The following MANBA variants were observed in gnomAD, a reference collection of about 807,000 sequenced individuals.
MANBA encodes mannosidase beta.
A neutral mutation model predicts 111.1 loss-of-function variants in MANBA; 83 were observed. That is an observed-to-expected ratio of 0.75 (90% CI 0.63 to 0.90). MANBA has a LOEUF of 0.90. Ranked by LOEUF, MANBA falls within the 40% of genes least tolerant of loss-of-function variation. The pLI, the probability that MANBA is intolerant of heterozygous loss-of-function variation, is 0.00. For missense variants in MANBA, 1,036 were observed against 1,069.0 expected (o/e 0.97, Z 0.43); for synonymous variants, 370 against 378.7 (o/e 0.98, Z 0.27).
chr4:102,688,223 A>G (rs527754229), intron 7 of MANBA, among the ~76,000 whole-genome samples: 1 of 152,198 alleles, frequency 6.6e-6, no homozygotes, highest in South Asian at 2.1e-4. Context: ...GACAAGAGTG[A>G]ATGCTTTGGC....
rs756732297 is a variant in MANBA at position 102,632,120 on chromosome 4, C to T, written c.2577G>A (p.Glu859=). The change falls in exon 17 of 17, where the codon GAG becomes GAA. Residue 859 remains glutamate, a synonymous_variant. Transcript: ENST00000647097. ...GCTCCAACTCATTCTTGCTGGTGGG[C>T]TCCCAAGGGTAAAATAATATAGTTC... is the stretch of plus-strand genomic sequence containing the variant. ...KTRTILFYPW[E]PTSKNELEQS... 9 of 1,613,118 alleles carry T rather than the reference C, an allele frequency of 5.6e-6. No homozygotes were observed. The highest frequency in any genetic ancestry group is 1.1e-5 in the South Asian group (1 of 91,042).
At chr4:102,754,749 G>A (rs1360824501) in intron 1 of MANBA, among the ~76,000 whole-genome samples, 1 of 151,892 alleles carries the variant, frequency 6.6e-6, no homozygotes, top group African/African-American at 2.4e-5. Context: ...GTAGAGACGG[G>A]GTTTCACCGT....
intron 7 of MANBA, among the ~76,000 whole-genome samples, chr4:102,675,971 G>GAA (rs528591422): frequency 6.9e-6 from 1 of 145,162 alleles, no homozygotes; most frequent in Non-Finnish European, 1.5e-5. Flanking sequence ...ACTCCGTCTT[G>GAA]AAAAAAAAAA....
At chr4:102,733,002 A>C (rs1578947944) in intron 1 of MANBA, among the ~76,000 whole-genome samples, 2 of 152,314 alleles carry the variant, frequency 1.3e-5, no homozygotes, top group East Asian at 3.9e-4. Flanking sequence ...TCCCTGAAGG[A>C]ATCTGCAAGT....
intron 5 of MANBA, among the ~76,000 whole-genome samples, chr4:102,709,390 GAAAGAAAGAAAAA>G (rs140949187): frequency 0.16 from 21,158 of 128,504 alleles, 2,334 homozygotes; most frequent in Non-Finnish European, 0.22. Context: ...AAGGAAGAAA[GAAAGAAAGAAAAA>G]AAAGAAAGAA....
Position 102,734,514 on chromosome 4 carries a change from G to A in MANBA, c.178-7831C>T, listed in dbSNP as rs868320600. The A allele has an allele frequency of 4.4e-5, 71 of 1,607,906 alleles. No individual in the cohort carries two copies. The Middle Eastern group carries it at 9.9e-4, about 22-fold the overall frequency. On this transcript the variant is annotated intron_variant, in intron 1 of 16. Coordinates refer to ENST00000647097, the MANE Select transcript of MANBA (RefSeq NM_005908.4). ...TCCCAAGTTCCACGAGGTGGAGGCT[G>A]AACCATCTGAGCTCAGAAGTGCTGA...
chr4:102,665,065 A>G, intron 10 of MANBA: 1 of 552,296 alleles, frequency 1.8e-6, no homozygotes, highest in South Asian at 2.1e-5. Context: ...AAACACTGAT[A>G]CATAGGGTTT....
chr4:102,650,986 A>C (rs1377824414), intron 12 of MANBA: 1 of 354,128 alleles, frequency 2.8e-6, no homozygotes, highest in Non-Finnish European at 5.2e-6. Context: ...TGTTTTATCA[A>C]AACATATTCC....
At chr4:102,754,644 C>T (rs1723938430) in intron 1 of MANBA, among the ~76,000 whole-genome samples, 1 of 151,914 alleles carries the variant, frequency 6.6e-6, no homozygotes, top group South Asian at 2.1e-4. Context: ...GCAAGCTCCA[C>T]CTCCCGGGTT....
At chr4:102,737,490 G>GT (rs1368278620) in intron 1 of MANBA, among the ~76,000 whole-genome samples, 38 of 149,442 alleles carry the variant, frequency 2.5e-4, no homozygotes, top group African/African-American at 4.9e-4. Flanking sequence ...TTGTTTGTTT[G>GT]TTTTTTTTTT....
Position 102,650,659 on chromosome 4 carries a change from G to A in MANBA, c.1747C>T (p.Leu583Phe), listed in dbSNP as rs115145808. Residue 583 changes from leucine (L) to phenylalanine (F), a missense_variant, in exon 13 of 17, where the codon CTT becomes TTT. Coordinates refer to ENST00000647097, the MANE Select transcript of MANBA (RefSeq NM_005908.4). ...CCACCTTCGTGATGTTGTCGATGAA[G>A]TGAAAACTTGCTATTGAAAGACCAG... Reference protein sequence around the residue: ...EDWSFNSKFSLHRQHHEGGNK... With the variant: ...EDWSFNSKFSFHRQHHEGGNK... The A allele has an allele frequency of 6.2e-7, 1 of 1,613,402 alleles. No individual in the cohort carries two copies. The highest frequency in any genetic ancestry group is 1.3e-5 in the African/African-American group (1 of 75,030).
chr4:102,662,154 T>C (rs1730985525), intron 11 of MANBA, among the ~76,000 whole-genome samples: 1 of 152,218 alleles, frequency 6.6e-6, no homozygotes, highest in Non-Finnish European at 1.5e-5. Flanking sequence ...TTAAAATTAA[T>C]GATCAAAATG....
chr4:102,659,842 C>T (rs1730844958), intron 11 of MANBA, among the ~76,000 whole-genome samples: 1 of 152,164 alleles, frequency 6.6e-6, no homozygotes. Context: ...CTCTCCACTC[C>T]TGGCTGTTTG....
chr4:102,646,733 T>G (rs2110199843), intron 13 of MANBA, among the ~76,000 whole-genome samples: 1 of 152,210 alleles, frequency 6.6e-6, no homozygotes, highest in Non-Finnish European at 1.5e-5. Context: ...AAAGAGGGTG[T>G]GCTCATGTAT....
chr4:102,747,942 G>A (rs892809721), intron 1 of MANBA, among the ~76,000 whole-genome samples: 4 of 152,174 alleles, frequency 2.6e-5, no homozygotes, highest in South Asian at 2.1e-4. Context: ...GAAGTGTAGC[G>A]GTGGGGTTCC....
At chr4:102,633,835 A>G (rs13106325) in intron 16 of MANBA, among the ~76,000 whole-genome samples, 83,314 of 151,356 alleles carry the variant, frequency 0.55, 23,345 homozygotes, top group African/African-American at 0.63. Flanking sequence ...TCTGTTCTCT[A>G]TTAGTTGTTA....
At chr4:102,733,209 G>C (rs1723092296) in intron 1 of MANBA, among the ~76,000 whole-genome samples, 1 of 152,196 alleles carries the variant, frequency 6.6e-6, no homozygotes, top group South Asian at 2.1e-4. Context: ...CAGCAGACCA[G>C]ATCAAACCAA....
At position 102,722,915 on chromosome 4, in the gene MANBA, G is replaced by A; in HGVS notation, c.505C>T (p.Pro169Ser). The A allele has an allele frequency of 6.2e-7, 1 of 1,614,180 alleles. No individual in the cohort carries two copies. Among genetic ancestry groups the A allele is most frequent in the Non-Finnish European group, 8.5e-7 (1 of 1,180,014 alleles). Reference sequence around the variant, plus strand: ...TGGCATTCACCCTTCTGCACAAGTGGAGGGCAGTCTGGGGGAACCTGGTAG... The same window carrying A: ...TGGCATTCACCCTTCTGCACAAGTGAAGGGCAGTCTGGGGGAACCTGGTAG... ...TRYQVPPDCP[P>S]LVQKGECHVN... The change falls in exon 4 of 17, where the codon CCA becomes TCA. Residue 169 changes from proline to serine, a missense_variant. Coordinates refer to ENST00000647097, the MANE Select transcript of MANBA (RefSeq NM_005908.4).
intron 14 of MANBA, 124 bp from the exon 15 acceptor site, chr4:102,636,131 C>T: frequency 1.2e-6 from 1 of 807,448 alleles, no homozygotes; most frequent in East Asian, 2.6e-5. Context: ...GGAGAGTCAA[C>T]AGTGGAGGGC....
Sources: allele counts gnomAD v4.1 joint callset (sites outside exome capture counted in the v4.1 genomes callset), GRCh38; gene constraint gnomAD v4.1.1; transcripts MANE v1.5; gene names NCBI Gene and HGNC (gene_info 2026-07-23, HGNC 2026-07-21).